DHRS4L2: variants seen among roughly 807,000 people sequenced by gnomAD.
The protein encoded by DHRS4L2 is dehydrogenase/reductase SDR family member 4-like 2.
A neutral mutation model predicts 23.9 loss-of-function variants in DHRS4L2; 22 were observed. That is an observed-to-expected ratio of 0.92 (90% CI 0.66 to 1.31). The LOEUF (loss-of-function observed/expected upper bound fraction) is 1.31, where lower values mean the gene tolerates loss of function less well. DHRS4L2 is among the 40% of genes most tolerant of loss of function. DHRS4L2 has a pLI of 0.00. For missense variants in DHRS4L2, 385 were observed against 303.3 expected (o/e 1.27, Z -2.00); for synonymous variants, 141 against 123.7 (o/e 1.14, Z -0.93).
At chr14:23,975,678 C>A (rs1245657264) in intron 1 of DHRS4L2, among the ~76,000 whole-genome samples, 1 of 151,760 alleles carries the variant, frequency 6.6e-6, no homozygotes, top group Non-Finnish European at 1.5e-5. Flanking sequence ...TGACTTCAAA[C>A]TATACTGCAA....
In DHRS4L2 at chr14:23,989,091, G is replaced by A. The variant is rs375318884; in HGVS notation, c.128+16G>A. 1.1e-4 allele frequency: 167 copies of A among 1,558,566 alleles called. 2 individuals carry two copies. The highest frequency in any genetic ancestry group is 2.5e-4 in the African/African-American group (18 of 73,404). On this transcript the variant is annotated intron_variant, in intron 1 of 7. Coordinates refer to ENST00000335125, the MANE Select transcript of DHRS4L2 (RefSeq NM_198083.4). ...CCACCGACGGGTGAGTGTTGGTGCC[G>A]GAGTTTCTGAGGCCCTGGCTGCCTG...
intron 1 of DHRS4L2, among the ~76,000 whole-genome samples, chr14:23,977,956 C>T (rs959385790): frequency 6.6e-6 from 1 of 151,564 alleles, no homozygotes; most frequent in Non-Finnish European, 1.5e-5. Context: ...GCTAAACACT[C>T]CTCTCTCTCT....
chr14:23,969,980 C>T (rs1435239078), exon 1 of DHRS4L2: 2 of 454,780 alleles, frequency 4.4e-6, no homozygotes, highest in Non-Finnish European at 4.4e-6. Flanking sequence ...GGGCTCGCCT[C>T]TGCGGCAGCC....
chr14:23,989,551 T>G (rs1223488456), intron 1 of DHRS4L2, among the ~76,000 whole-genome samples: 1 of 151,620 alleles, frequency 6.6e-6, no homozygotes. Context: ...TCGGTACATC[T>G]GGGCCTACCT....
intron 4 of DHRS4L2, 37 bp downstream of exon 4, chr14:24,000,970 C>T (rs748957064): frequency 6.2e-7 from 1 of 1,611,240 alleles, no homozygotes; most frequent in African/African-American, 1.4e-5. Context: ...TGAGAGGGGA[C>T]CCCACACAGG....
intron 2 of DHRS4L2, among the ~76,000 whole-genome samples, chr14:23,992,208 G>A (rs1196115055): frequency 5.3e-5 from 8 of 151,682 alleles, no homozygotes; most frequent in Non-Finnish European, 1.0e-4. Context: ...AGGAGACACC[G>A]AATCCAGGGC....
Position 23,976,522 on chromosome 14 carries a change from C to T in DHRS4L2, c.-176+6190C>T, listed in dbSNP as rs192208630. On this transcript the variant is annotated intron_variant, in intron 1 of 5. Coordinates refer to the DHRS4L2 transcript ENST00000534993. ...CTGTTGGTGGGAGTGTAAATTAGTT[C>T]AACCATTGTGGAAGACACTGTGGCC... Among the ~76,000 whole-genome samples, 316 of 151,892 alleles carry T rather than the reference C, an allele frequency of 2.1e-3. 3 individuals are homozygous for T. Among genetic ancestry groups the T allele is most frequent in the Non-Finnish European group, 3.4e-3 (233 of 67,916 alleles).
intron 2 of DHRS4L2, among the ~76,000 whole-genome samples, chr14:23,994,549 G>A (rs1348835466): frequency 6.6e-6 from 1 of 151,446 alleles, no homozygotes; most frequent in Non-Finnish European, 1.5e-5. Flanking sequence ...TTGCCCGGGT[G>A]TGGTGGCACG....
chr14:23,987,684 G>T (rs2034179784), upstream of DHRS4L2, among the ~76,000 whole-genome samples: 1 of 151,466 alleles, frequency 6.6e-6, no homozygotes, highest in South Asian at 2.1e-4. Flanking sequence ...ACAAAAAGAA[G>T]GAAAGGTATA....
At chr14:23,971,652 G>A (rs1230145143) in intron 1 of DHRS4L2, among the ~76,000 whole-genome samples, 1 of 152,138 alleles carries the variant, frequency 6.6e-6, no homozygotes, top group South Asian at 2.1e-4. Flanking sequence ...ATACAAACCA[G>A]AAAAGAGTTG....
At chr14:23,999,344 TAAAAAAAAAAAAA>T (rs71426825) in intron 3 of DHRS4L2, among the ~76,000 whole-genome samples, 1,043 of 53,684 alleles carry the variant, frequency 0.019, 30 homozygotes, top group African/African-American at 0.039. Context: ...CTCCAATTTG[TAAAAAAAAAAAAA>T]AAAAAAAAAA....
At chr14:23,974,763 T>C (rs112504451) in intron 1 of DHRS4L2, among the ~76,000 whole-genome samples, 689 of 151,870 alleles carry the variant, frequency 4.5e-3, no homozygotes, top group African/African-American at 0.016. Context: ...ATTAATAGCC[T>C]ACCAAACCAA....
At chr14:23,999,344 T>TAAA (rs71426825) in intron 3 of DHRS4L2, among the ~76,000 whole-genome samples, 347 of 53,634 alleles carry the variant, frequency 6.5e-3, no homozygotes, top group Non-Finnish European at 0.012. Context: ...CTCCAATTTG[T>TAAA]AAAAAAAAAA....
chr14:23,990,248 G>T lies in DHRS4L2; in HGVS notation c.195G>T (p.Lys65Asn). The T allele has an allele frequency of 1.2e-6, 2 of 1,612,850 alleles. No homozygotes were observed. The highest frequency in any genetic ancestry group is 1.7e-6 in the Non-Finnish European group (2 of 1,179,366). ...DRAHVVVSSR[K>N]QQNVDQAVAT... ...CCCACGTGGTCGTCAGCAGCCGGAA[G>T]CAGCAGAATGTGGACCAGGCGGTGG... The change falls in exon 2 of 8, where the codon AAG (lysine) becomes AAT (asparagine). Residue 65 changes from lysine (K) to asparagine (N), a missense_variant. Transcript: ENST00000335125.
chr14:23,980,831 G>A (rs889084111), intron 1 of DHRS4L2, among the ~76,000 whole-genome samples: 2 of 151,530 alleles, frequency 1.3e-5, no homozygotes, highest in Non-Finnish European at 2.9e-5. Flanking sequence ...ATTTATGACA[G>A]ACCCACAGCC....
At chr14:23,987,338 C>T (rs975100112), upstream of DHRS4L2, 6 of 245,458 alleles carry the variant, frequency 2.4e-5, 1 homozygote, top group South Asian at 6.7e-5. Context: ...ACCGTGTTAG[C>T]CAGGATGGAC....
intron 5 of DHRS4L2, 111 bp from the exon 6 acceptor site, chr14:24,001,273 C>T: frequency 6.4e-7 from 1 of 1,557,136 alleles, no homozygotes; most frequent in Non-Finnish European, 8.7e-7. Context: ...TTTCCTAACT[C>T]TGCCCCTCCC....
intron 1 of DHRS4L2, among the ~76,000 whole-genome samples, chr14:23,977,490 A>C (rs1467857267): frequency 1.3e-5 from 2 of 151,716 alleles, no homozygotes; most frequent in Non-Finnish European, 2.9e-5. Flanking sequence ...TACTATGCAT[A>C]AGGGAGTAGA....
At chr14:23,973,272 T>C (rs1206413466) in intron 1 of DHRS4L2, among the ~76,000 whole-genome samples, 2 of 151,974 alleles carry the variant, frequency 1.3e-5, no homozygotes, top group Non-Finnish European at 2.9e-5. Context: ...CCTGTGGCTT[T>C]CTGCAGTGCA....
Sources: gnomAD v4.1 joint callset for allele counts (sites outside exome capture counted in the v4.1 genomes callset) on GRCh38, gnomAD v4.1.1 for gene constraint, MANE v1.5 for transcripts, NCBI Gene and HGNC (gene_info 2026-07-23, HGNC 2026-07-21) for gene names.